Variants in CEP295 observed in about 807,000 individuals in gnomAD.
The protein encoded by CEP295 is centrosomal protein of 295 kDa.
A neutral mutation model predicts 291.6 loss-of-function variants in CEP295; 190 were observed. That is an observed-to-expected ratio of 0.65 (90% CI 0.58 to 0.73). The LOEUF (loss-of-function observed/expected upper bound fraction) is 0.73. Among genes scored for constraint, CEP295 ranks in the 30% least tolerant of loss-of-function variants. The pLI is 0.00. For missense variants in CEP295, 2,863 were observed against 2,949.4 expected, an observed-to-expected ratio of 0.97 and a Z score of 0.68; for synonymous variants, 993 against 1,038.8, an observed-to-expected ratio of 0.96 and a Z score of 0.85.
chr11:93,695,528 A>G lies in CEP295; in HGVS notation c.1565A>G (p.Gln522Arg), dbSNP rs756160138. ...GAAATAGAAGAGCAGAAGCAAAAGCAATTGGAATTACTTGAACAAATTGAA... is the reference window on the plus strand; with the variant it reads ...GAAATAGAAGAGCAGAAGCAAAAGCGATTGGAATTACTTGAACAAATTGAA... ...IMEIEEQKQK[Q>R]LELLEQIEQQ... Residue 522 changes from glutamine to arginine, a missense_variant, in exon 13 of 30, where the codon CAA becomes CGA. By Grantham distance (43) the Gln-to-Arg change is conservative (BLOSUM62 1). Around this residue, in one of 3 missense-constraint regions of CEP295, gnomAD observed 14 missense variants for 37.7 expected, o/e 0.37. Coordinates refer to ENST00000325212, the MANE Select transcript of CEP295 (RefSeq NM_033395.2). 2 of 1,468,944 alleles carry G rather than the reference A, an allele frequency of 1.4e-6. No homozygotes were observed. The highest frequency in any genetic ancestry group is 2.9e-5 in the South Asian group (2 of 68,562). 91.0% of individuals were successfully genotyped at this position (1,468,944 alleles called of 1,614,324 possible). A position where few individuals can be genotyped will look rare whatever the true frequency, so the allele number is the denominator to read the frequency against.
chr11:93,716,241 G>C (rs968359975), intron 18 of CEP295, among the ~76,000 whole-genome samples: 1 of 152,196 alleles, frequency 6.6e-6, no homozygotes, highest in Non-Finnish European at 1.5e-5. Context: ...CACTGGCAGA[G>C]TTCTACTTGG....
chr11:93,729,336 T>C, intron 25 of CEP295, 98 bp from the exon 26 acceptor site: 2 of 775,752 alleles, frequency 2.6e-6, no homozygotes, highest in South Asian at 1.6e-5. Context: ...GAGGCTGCAG[T>C]GAGGTGTGAT....
intron 10 of CEP295, among the ~76,000 whole-genome samples, chr11:93,689,091 A>G (rs1951388176): frequency 6.6e-6 from 1 of 152,110 alleles, no homozygotes; most frequent in Admixed American, 6.5e-5. Flanking sequence ...TTCCACCTAC[A>G]TCCTAGCTTA....
At chr11:93,714,258 T>G (rs755073378) in intron 18 of CEP295, among the ~76,000 whole-genome samples, 5 of 152,156 alleles carry the variant, frequency 3.3e-5, no homozygotes, top group Non-Finnish European at 5.9e-5. Context: ...TGTTTCTTTC[T>G]TTTCTTTTTT....
chr11:93,699,365 C>T lies in CEP295; in HGVS notation c.4453C>T (p.Pro1485Ser). The T allele has an allele frequency of 6.4e-7, 1 of 1,551,914 alleles. No homozygotes were observed. The highest frequency in any genetic ancestry group is 8.7e-7 in the Non-Finnish European group (1 of 1,147,030). Residue 1485 changes from proline (P) to serine (S), a missense_variant, in exon 15 of 30, where the codon CCA (proline) becomes TCA (serine). Transcript: ENST00000325212. ...KTQKELVLSK[P>S]CKFEEKVSSE... Reference sequence around the variant, plus strand: ...CCAGAAAGAATTGGTTTTGTCAAAACCATGTAAATTTGAGGAAAAGGTATC... The same window carrying T: ...CCAGAAAGAATTGGTTTTGTCAAAATCATGTAAATTTGAGGAAAAGGTATC...
rs187816733 is a variant in CEP295, at chr11:93,663,618, G to A, written c.-27+1844G>A. On this transcript the variant is annotated intron_variant, in intron 1 of 29. Coordinates refer to ENST00000325212, the MANE Select transcript of CEP295 (RefSeq NM_033395.2). ...ATTGTACCATGGTTATGTACAAGAC[G>A]TTGACATTTGGAGAAGCTGGGGAAA... 1.1e-4 allele frequency among the ~76,000 whole-genome samples: 17 copies of A among 152,246 alleles called. No individual in the cohort carries two copies. In the East Asian group the frequency reaches 2.7e-3, roughly 24 times the overall value.
At position 93,692,498 on chromosome 11, in the gene CEP295, G is replaced by A. The variant is rs200812168; in HGVS notation, c.1533+468G>A. Among the ~76,000 whole-genome samples the A allele has an allele frequency of 1.4e-4, 22 of 151,836 alleles. No homozygotes were observed. The East Asian group carries it at 1.9e-3, about 13-fold the overall frequency. On this transcript the variant is annotated intron_variant, in intron 12 of 29. Transcript: ENST00000325212. ...ATATACAGCGCCCTTTTTTTGCTCC[G>A]TCGCCCAGGCTGGAGTACAGTGACA... is the stretch of plus-strand genomic sequence containing the variant.
At chr11:93,725,932 G>A (rs1294479357) in intron 23 of CEP295, 101 bp downstream of exon 23, 7 of 865,026 alleles carry the variant, frequency 8.1e-6, no homozygotes, top group Non-Finnish European at 1.3e-5. Flanking sequence ...CTTCACCCCT[G>A]CTCTCACCCC....
intron 17 of CEP295, among the ~76,000 whole-genome samples, chr11:93,705,392 A>C (rs1952448844): frequency 6.6e-6 from 1 of 152,206 alleles, no homozygotes. Flanking sequence ...AAGACTCCTT[A>C]AGGGATGATA....
In CEP295 at chr11:93,697,944, A is replaced by G. The variant is rs1203847812; in HGVS notation, c.3032A>G (p.Asp1011Gly). Reference sequence around the variant, plus strand: ...ACATTTACTTCACTACCATCTGCTGATACAAAATCTGGAAAAATACAGGAG... The same window carrying G: ...ACATTTACTTCACTACCATCTGCTGGTACAAAATCTGGAAAAATACAGGAG... ...QHTFTSLPSA[D>G]TKSGKIQEQH... The change falls in exon 15 of 30, where the codon GAT becomes GGT. Residue 1011 changes from aspartate to glycine, a missense_variant. Asp to Gly is a moderately conservative substitution (Grantham distance 94). Coordinates refer to ENST00000325212, the MANE Select transcript of CEP295 (RefSeq NM_033395.2). The G allele has an allele frequency of 6.4e-7, 1 of 1,551,680 alleles. No homozygotes were observed. Among genetic ancestry groups the G allele is most frequent in the Admixed American group, 2.0e-5 (1 of 50,992 alleles).
rs1565224799 is a variant in CEP295, at chr11:93,727,360, G to C, written c.6884G>C (p.Ser2295Thr). The C allele has an allele frequency of 6.4e-7, 1 of 1,551,516 alleles. No homozygotes were observed. The highest frequency in any genetic ancestry group is 2.4e-5 in the East Asian group (1 of 40,886). The change falls in exon 24 of 30, where the codon AGT becomes ACT. Residue 2295 changes from serine to threonine, a missense_variant. Ser to Thr is a moderately conservative substitution (Grantham distance 58). Transcript: ENST00000325212. The stretch of plus-strand genomic sequence containing the variant: ...AGAGGGGTTGTTACAATGTTACAAA[G>C]TCAAGGACTCATTGAAGATAATAAA... ...SKRGVVTMLQ[S>T]QGLIEDNKNE...
At chr11:93,700,931 T>C (rs184728027) in intron 15 of CEP295, among the ~76,000 whole-genome samples, 169 of 152,334 alleles carry the variant, frequency 1.1e-3, no homozygotes, top group African/African-American at 3.8e-3. Flanking sequence ...AAAACGGGCA[T>C]GATTTTAGGC....
chr11:93,707,559 T>G (rs1465141343), intron 18 of CEP295, among the ~76,000 whole-genome samples: 2 of 152,082 alleles, frequency 1.3e-5, no homozygotes, highest in Non-Finnish European at 2.9e-5. Context: ...GTCAGAAGAT[T>G]GAGACCACGG....
In CEP295 at chr11:93,695,482, T is replaced by G; in HGVS notation, c.1534-15T>G. On this transcript the variant is annotated splice_polypyrimidine_tract_variant and intron_variant, in intron 12 of 29. Transcript: ENST00000325212. ...GAGTTTGTTGTTAATAGATCAATAG[T>G]ATTTTGTTACCTAGATAATGGAAAT... 2 of 1,418,732 alleles carry G rather than the reference T, an allele frequency of 1.4e-6. No individual in the cohort carries two copies. Among genetic ancestry groups the G allele is most frequent in the Non-Finnish European group, 9.2e-7 (1 of 1,087,346 alleles). 87.9% of individuals were successfully genotyped at this position (1,418,732 alleles called of 1,614,324 possible).
intron 18 of CEP295, among the ~76,000 whole-genome samples, chr11:93,714,386 G>T (rs1953098612): frequency 6.6e-6 from 1 of 152,204 alleles, no homozygotes; most frequent in African/African-American, 2.4e-5. Flanking sequence ...AAGTAGCTGG[G>T]ACTACAGGCG....
intron 15 of CEP295, 47 bp downstream of exon 15, chr11:93,700,233 C>T: frequency 6.9e-7 from 1 of 1,441,220 alleles, no homozygotes; most frequent in Non-Finnish European, 9.3e-7. Context: ...AGTTTAAACC[C>T]AAATCAGTTT....
intron 17 of CEP295, 80 bp from the exon 18 acceptor site, chr11:93,706,665 A>T: frequency 8.2e-7 from 1 of 1,212,396 alleles, no homozygotes; most frequent in Non-Finnish European, 1.1e-6. Flanking sequence ...TTAGATTTCT[A>T]CCCATAATAT....
chr11:93,661,701 A>T lies in CEP295; in HGVS notation c.-100A>T, dbSNP rs1361149395. On this transcript the variant is annotated 5_prime_UTR_variant, in exon 1 of 30. Transcript: ENST00000325212. ...GCAGGCGCAGAAACGGCTGCTGGGC[A>T]GCTGATGGGCAGGAGCTTACCAGGC... is the stretch of plus-strand genomic sequence containing the variant. 6.5e-6 allele frequency: 1 copy of T among 152,712 alleles called. No individual in the cohort carries two copies. 9.5% of individuals were successfully genotyped at this position (152,712 alleles called of 1,614,324 possible).
At chr11:93,706,067 G>A (rs1952493063) in intron 17 of CEP295, among the ~76,000 whole-genome samples, 1 of 152,160 alleles carries the variant, frequency 6.6e-6, no homozygotes, top group Non-Finnish European at 1.5e-5. Context: ...GGACCCCAGA[G>A]TGTATCAGAT....
Sources: allele counts gnomAD v4.1 joint callset (sites outside exome capture counted in the v4.1 genomes callset), GRCh38; gene constraint gnomAD v4.1.1; regional missense constraint gnomAD v4.1.1; transcripts MANE v1.5; gene names NCBI Gene and HGNC (gene_info 2026-07-23, HGNC 2026-07-21).